THOP1: variants seen among roughly 807,000 people sequenced by gnomAD.
THOP1 encodes the protein thimet oligopeptidase.
In THOP1, 49 loss-of-function variants were observed where a neutral mutation model predicts 71.8. The observed-to-expected ratio is 0.68, with a 90% CI of 0.54 to 0.87. The LOEUF is 0.87. THOP1 is among the 40% of genes least tolerant of loss of function. THOP1 has a pLI of 0.00. For synonymous variants in THOP1, 426 were observed against 421.5 expected, an observed-to-expected ratio of 1.01 and a Z score of -0.13; for missense variants, 843 against 975.6, an observed-to-expected ratio of 0.86 and a Z score of 1.81.
chr19:2,798,782 C>T (rs1373590865), intron 4 of THOP1, among the ~76,000 whole-genome samples: 2 of 152,180 alleles, frequency 1.3e-5, no homozygotes, highest in African/African-American at 4.8e-5. Flanking sequence ...GCTCTGGCCC[C>T]ATGGAGCTGG....
Position 2,810,486 on chromosome 19 carries a change from C to G in THOP1, c.1638C>G (p.Asn546Lys). The G allele has an allele frequency of 6.4e-7, 1 of 1,553,220 alleles. No homozygotes were observed. The highest frequency in any genetic ancestry group is 1.2e-5 in the South Asian group (1 of 84,988). The change falls in exon 10 of 13, where the codon AAC becomes AAG. Residue 546 changes from asparagine to lysine, a missense_variant. Coordinates refer to ENST00000307741, the MANE Select transcript of THOP1 (RefSeq NM_003249.5). ...AGCTCATTGAGTCCCGGCAGGCCAACACAGGTGCACCCGCCCCGTCCGGGG... is the reference window on the plus strand; with the variant it reads ...AGCTCATTGAGTCCCGGCAGGCCAAGACAGGTGCACCCGCCCCGTCCGGGG... Reference protein sequence around the residue: ...LEKLIESRQANTGLFNLRQIV... With the variant: ...LEKLIESRQAKTGLFNLRQIV...
chr19:2,813,347 A>T lies in THOP1; in HGVS notation c.*71A>T. The stretch of plus-strand genomic sequence containing the variant: ...CTGGTGCCTTAGCCCCCGGCACAGG[A>T]TGGGGCAGGCTCTGGCACAGTGCCT... On this transcript the variant is annotated 3_prime_UTR_variant, in exon 13 of 13. Transcript: ENST00000307741. 3 of 1,478,300 alleles carry T rather than the reference A, an allele frequency of 2.0e-6. No homozygotes were observed. The highest frequency in any genetic ancestry group is 2.6e-5 in the South Asian group (2 of 77,524). 91.6% of individuals were successfully genotyped at this position (1,478,300 alleles called of 1,614,324 possible). A position where few individuals can be genotyped will look rare whatever the true frequency, so the allele number is the denominator to read the frequency against.
chr19:2,807,444 G>T lies in THOP1; in HGVS notation c.889G>T (p.Glu297Ter). The T allele has an allele frequency of 3.8e-6, 6 of 1,587,090 alleles. No homozygotes were observed. The highest frequency in any genetic ancestry group is 4.3e-6 in the Non-Finnish European group (5 of 1,163,336). The change falls in exon 8 of 13, where the codon GAG (glutamate) becomes TAG (stop). Residue 297 changes from glutamate (E) to a stop codon, truncating the protein, a stop_gained and splice_region_variant. Transcript: ENST00000307741. LOFTEE classifies it high-confidence loss of function. ...TSQTVATFLD[E>*]LAQKLKPLGE... ...CCACCTTTCTGCCCTCCCCGCAGAT[G>T]AGCTGGCGCAGAAGCTGAAGCCCCT... is the stretch of plus-strand genomic sequence containing the variant.
In THOP1 at chr19:2,813,609, C is replaced by G; in HGVS notation, c.*333C>G. ...AGGAAACAGAAAAAGAGAGAGGCTC[C>G]CTGGCCTGGTCACTGGCTCCTGCGC... On this transcript the variant is annotated 3_prime_UTR_variant, in exon 13 of 13. Transcript: ENST00000307741. 3.7e-6 allele frequency: 1 copy of G among 268,992 alleles called. No homozygotes were observed. Among genetic ancestry groups the G allele is most frequent in the Non-Finnish European group, 7.0e-6 (1 of 141,914 alleles). 16.7% of individuals were successfully genotyped at this position (268,992 alleles called of 1,614,324 possible).
rs1916566076 is a variant in THOP1, at chr19:2,814,709, G to A, written c.*1433G>A. 1 of 152,462 alleles carries A rather than the reference G, an allele frequency of 6.6e-6. No individual in the cohort carries two copies. Among genetic ancestry groups the A allele is most frequent in the African/African-American group, 2.4e-5 (1 of 41,456 alleles). 9.4% of individuals were successfully genotyped at this position (152,462 alleles called of 1,614,324 possible). A position where few individuals can be genotyped will look rare whatever the true frequency, so the allele number is the denominator to read the frequency against. The stretch of plus-strand genomic sequence containing the variant: ...GGACGGCACAGCCTGTGGCCAGGAG[G>A]GTTATGCCAGCGAGGCGGGAATCCA... On this transcript the variant is annotated 3_prime_UTR_variant, in exon 13 of 13. Transcript: ENST00000307741.
chr19:2,811,562 G>A, intron 11 of THOP1, 36 bp from the exon 12 acceptor site: 1 of 1,596,726 alleles, frequency 6.3e-7, no homozygotes, highest in Non-Finnish European at 8.5e-7. Flanking sequence ...ATGGGGTGGG[G>A]GCTACAGCGT....
chr19:2,807,837 G>A (rs750897080), intron 8 of THOP1, 29 bp downstream of exon 8: 31 of 1,436,020 alleles, frequency 2.2e-5, no homozygotes, highest in South Asian at 5.9e-5. Context: ...GGCGGGGGGC[G>A]CACCCCGGCC....
rs79330915 is a variant in THOP1 at position 2,798,603 on chromosome 19, G to T, written c.487-1086G>T. ...GGGTTTGTTATGTGAGATGGCAAGA[G>T]GGGGAGACATTGGGAATTGCCCAGC... On this transcript the variant is annotated intron_variant, in intron 4 of 12. Coordinates refer to ENST00000307741, the MANE Select transcript of THOP1 (RefSeq NM_003249.5). 7.2e-5 allele frequency among the ~76,000 whole-genome samples: 11 copies of T among 152,364 alleles called. No homozygotes were observed. The East Asian group carries it at 7.7e-4, about 11-fold the overall frequency.
At position 2,806,952 on chromosome 19, in the gene THOP1, G is replaced by A. The variant is rs766428675; in HGVS notation, c.786G>A (p.Leu262=). 1.9e-6 allele frequency: 3 copies of A among 1,613,158 alleles called. No individual in the cohort carries two copies. The highest frequency in any genetic ancestry group is 4.5e-5 in the East Asian group (2 of 44,864). The stretch of plus-strand genomic sequence containing the variant: ...CTATCCTCAAGGAGCTGGTGACGCT[G>A]CGGGCCCAGAAGTCCCGCCTGCTGG... The part of the protein sequence containing the change: ...NCAILKELVT[L]RAQKSRLLGF... The change falls in exon 7 of 13, where the codon CTG becomes CTA. Residue 262 remains leucine, a synonymous_variant. Transcript: ENST00000307741.
At position 2,813,465 on chromosome 19, in the gene THOP1, A is replaced by G; in HGVS notation, c.*189A>G. The G allele has an allele frequency of 2.8e-6, 2 of 701,990 alleles. No homozygotes were observed. 43.5% of individuals were successfully genotyped at this position (701,990 alleles called of 1,614,324 possible). On this transcript the variant is annotated 3_prime_UTR_variant, in exon 13 of 13. Coordinates refer to ENST00000307741, the MANE Select transcript of THOP1 (RefSeq NM_003249.5). ...CCACCCGGCTAGAGACGGCGTCCTC[A>G]AGGCATCTGGAGGGCTTTCGTGGCT...
At position 2,805,803 on chromosome 19, in the gene THOP1, G is replaced by A. The variant is rs79826915; in HGVS notation, c.750+627G>A. Among the ~76,000 whole-genome samples, 4,096 of 151,688 alleles carry A rather than the reference G, an allele frequency of 0.027. 201 individuals are homozygous for A. The highest frequency in any genetic ancestry group is 0.095 in the African/African-American group (3,908 of 41,188). On this transcript the variant is annotated intron_variant, in intron 6 of 12. Coordinates refer to ENST00000307741, the MANE Select transcript of THOP1 (RefSeq NM_003249.5). The surrounding 1 kb of genome is among the most constrained non-coding windows in gnomAD (Gnocchi z 6.6). ...CGCTGATCACTGCAAAGGGATGGGC[G>A]GGCACTGATCACTGCAAGGGGACGG... is the stretch of plus-strand genomic sequence containing the variant.
Position 2,797,163 on chromosome 19 carries a change from G to A in THOP1, c.486+975G>A, listed in dbSNP as rs145049345. Among the ~76,000 whole-genome samples, 494 of 152,282 alleles carry A rather than the reference G, an allele frequency of 3.2e-3. 4 individuals carry two copies. The highest frequency in any genetic ancestry group is 0.011 in the African/African-American group (465 of 41,542). The stretch of plus-strand genomic sequence containing the variant: ...GCGGGGAGTGGGCTCAGGGTTGGCC[G>A]GCTGGACCATCTCAGCCAGCCCTGG... On this transcript the variant is annotated intron_variant, in intron 4 of 12. Coordinates refer to ENST00000307741, the MANE Select transcript of THOP1 (RefSeq NM_003249.5).
At chr19:2,789,538 G>A (rs1599517875) in intron 1 of THOP1, among the ~76,000 whole-genome samples, 1 of 152,200 alleles carries the variant, frequency 6.6e-6, no homozygotes, top group African/African-American at 2.4e-5. Flanking sequence ...GTTCATGAAT[G>A]GAGGCCTGCT....
chr19:2,806,462 C>T (rs147681779), intron 6 of THOP1: 103 of 203,748 alleles, frequency 5.1e-4, no homozygotes, highest in African/African-American at 2.2e-3. Context: ...TGTTTCTCCT[C>T]GTAAACGCCT....
At chr19:2,806,620 C>A (rs1230870396) in intron 6 of THOP1, 2 of 433,006 alleles carry the variant, frequency 4.6e-6, no homozygotes, top group Non-Finnish European at 8.2e-6. Context: ...TGGAGGTGTC[C>A]CCACATGCAG....
At chr19:2,811,947 G>T in intron 12 of THOP1, 1 of 1,244,424 alleles carries the variant, frequency 8.0e-7, no homozygotes. Context: ...GGGCCTGGGT[G>T]TGCCGGGTGA....
At position 2,805,362 on chromosome 19, in the gene THOP1, G is replaced by A. The variant is rs867011972; in HGVS notation, c.750+186G>A. ...GCCGTGCCCTGGAGGTGTCTGTGCT[G>A]GGCTCCACCCAGACCCTGGGGCCAC... On this transcript the variant is annotated intron_variant, in intron 6 of 12. Coordinates refer to ENST00000307741, the MANE Select transcript of THOP1 (RefSeq NM_003249.5). This position sits in a 1 kb window ranked among gnomAD's most constrained non-coding sequence, Gnocchi z 6.6. Among the ~76,000 whole-genome samples the A allele has an allele frequency of 2.0e-5, 3 of 152,308 alleles. No homozygotes were observed. In the Middle Eastern group the frequency reaches 0.01, roughly 518 times the overall value.
chr19:2,813,272 G>A lies in THOP1; in HGVS notation c.2066G>A (p.Cys689Tyr), dbSNP rs953847038. 1 of 1,608,398 alleles carries A rather than the reference G, an allele frequency of 6.2e-7. No individual in the cohort carries two copies. The highest frequency in any genetic ancestry group is 8.5e-7 in the Non-Finnish European group (1 of 1,178,558). The change falls in exon 13 of 13, where the codon TGC becomes TAC. Residue 689 changes from cysteine (C) to tyrosine (Y), a missense_variant. Transcript: ENST00000307741. ...GGCTGCGAGCCCGAGCCGCAGGTCT[G>A]CTGAGGCCTGGCACTGCGACTGCCC... ...VGGCEPEPQV[C>Y]
intron 4 of THOP1, 97 bp downstream of exon 4, chr19:2,796,285 C>T: frequency 1.0e-6 from 1 of 964,350 alleles, no homozygotes; most frequent in Non-Finnish European, 1.6e-6. Flanking sequence ...GTGGTGGGAG[C>T]AAGAAGCGCA....
Sources: gnomAD v4.1 joint callset for allele counts (sites outside exome capture counted in the v4.1 genomes callset) on GRCh38, gnomAD v4.1.1 for gene constraint, Gnocchi (gnomAD v3.1) non-coding constraint, MANE v1.5 for transcripts, NCBI Gene and HGNC (gene_info 2026-07-23, HGNC 2026-07-21) for gene names.